Variants in IL2RA observed in about 807,000 individuals in gnomAD.
IL2RA encodes interleukin 2 receptor subunit alpha.
Under a neutral mutation model 37.8 loss-of-function variants are expected in IL2RA, and 24 were observed. The ratio of observed to expected loss-of-function variants is 0.63; its 90% CI spans 0.46 to 0.89. IL2RA has a LOEUF of 0.89. Ranked by LOEUF, IL2RA falls within the 40% of genes least tolerant of loss-of-function variation. The probability of loss-of-function intolerance (pLI) is 0.00; values close to 1 mark genes in which losing one functional copy is unlikely to be tolerated. For synonymous variants in IL2RA, 125 were observed against 114.6 expected, an observed-to-expected ratio of 1.09 and a Z score of -0.58; for missense variants, 319 against 348.6, an observed-to-expected ratio of 0.92 and a Z score of 0.68.
chr10:6,062,221 T>C lies in IL2RA; in HGVS notation c.-70A>G. ...TTCTCTGCAGAAGGCCCAGTTGCCGTCAGCCTCTTTTTGGCATCGCGCCGG... is the reference window on the plus strand; with the variant it reads ...TTCTCTGCAGAAGGCCCAGTTGCCGCCAGCCTCTTTTTGGCATCGCGCCGG... On this transcript the variant is annotated 5_prime_UTR_variant, in exon 1 of 8. It removes the in-frame stop codon of an upstream open reading frame in the 5' UTR. Transcript: ENST00000379959. 1 of 1,376,898 alleles carries C rather than the reference T, an allele frequency of 7.3e-7. No individual in the cohort carries two copies. Among genetic ancestry groups the C allele is most frequent in the Non-Finnish European group, 1.0e-6 (1 of 965,154 alleles). The allele number at this position is 1,376,898 out of a possible 1,614,324, so 85.3% of individuals were successfully genotyped here.
In IL2RA at chr10:6,029,156, A is replaced by G. The variant is rs1839535575; in HGVS notation, c.65-3131T>C. Among the ~76,000 whole-genome samples, 2 of 149,776 alleles carry G rather than the reference A, an allele frequency of 1.3e-5. No homozygotes were observed. The highest frequency in any genetic ancestry group is 4.9e-5 in the African/African-American group (2 of 40,802). On this transcript the variant is annotated intron_variant, in intron 1 of 7. Transcript: ENST00000379959. This position sits in a 1 kb window ranked among gnomAD's most constrained non-coding sequence, Gnocchi z 4.6. ...TATTTATTTATTTATTTATTTATTTATTTATTTATTTATTTATTTATTTTT... is the reference window on the plus strand; with the variant it reads ...TATTTATTTATTTATTTATTTATTTGTTTATTTATTTATTTATTTATTTTT...
At chr10:6,034,487 C>G (rs1839648762) in intron 1 of IL2RA, among the ~76,000 whole-genome samples, 2 of 151,924 alleles carry the variant, frequency 1.3e-5, no homozygotes, top group African/African-American at 4.8e-5. Context: ...AAAGCAGCAA[C>G]AGAACAACAT....
chr10:6,059,946 C>A (rs1258360715), intron 1 of IL2RA, among the ~76,000 whole-genome samples: 1 of 151,860 alleles, frequency 6.6e-6, no homozygotes, highest in Non-Finnish European at 1.5e-5. Flanking sequence ...TTTGTATTTC[C>A]TATAGTGTTG....
chr10:6,013,577 C>T (rs1463616220), intron 7 of IL2RA, among the ~76,000 whole-genome samples: 1 of 152,136 alleles, frequency 6.6e-6, no homozygotes, highest in African/African-American at 2.4e-5. Context: ...GGTTGCCTGT[C>T]TTCCCTGGTG....
At chr10:6,031,470 A>ACATATATATATATG (rs1839579477) in intron 1 of IL2RA, among the ~76,000 whole-genome samples, 1 of 25,402 alleles carries the variant, frequency 3.9e-5, no homozygotes, top group Non-Finnish European at 7.5e-5. Context: ...ATATATATAT[A>ACATATATATATATG]TATATATATA....
Position 6,021,630 on chromosome 10 carries a change from A to C in IL2RA, c.431T>G (p.Val144Gly). 8 of 1,613,992 alleles carry C rather than the reference A, an allele frequency of 5.0e-6. No homozygotes were observed. The highest frequency in any genetic ancestry group is 6.8e-6 in the Non-Finnish European group (8 of 1,179,986). ...GCACTGATAATAAACCATCTGCCCC[A>C]CCACGAAATGATAAATTCTCTCTGT... is the stretch of plus-strand genomic sequence containing the variant. ...EATERIYHFV[V>G]GQMVYYQCVQ... The change falls in exon 4 of 8, where the codon GTG becomes GGG. Residue 144 changes from valine (V) to glycine (G), a missense_variant. Physicochemically the swap from Val to Gly is moderately radical, Grantham distance 109 (BLOSUM62 -3). Transcript: ENST00000379959. This position sits in a 1 kb window ranked among gnomAD's most constrained non-coding sequence, Gnocchi z 4.9.
chr10:6,043,199 GAAT>G (rs1839798971), intron 1 of IL2RA, among the ~76,000 whole-genome samples: 1 of 152,042 alleles, frequency 6.6e-6, no homozygotes. Context: ...TTGTTAAAAA[GAAT>G]AAACATCAAA....
chr10:6,060,770 A>T (rs568913698), intron 1 of IL2RA, among the ~76,000 whole-genome samples: 56 of 152,078 alleles, frequency 3.7e-4, no homozygotes, highest in African/African-American at 1.1e-3. Context: ...AAGTAAAAAA[A>T]AAATAAATAA....
intron 1 of IL2RA, among the ~76,000 whole-genome samples, chr10:6,051,844 G>A (rs535313910): frequency 6.2e-5 from 2 of 32,398 alleles, no homozygotes; most frequent in African/African-American, 1.1e-4. Flanking sequence ...TATATATATA[G>A]AATTTTTTAA....
At chr10:6,024,417 A>C (rs188218084) in intron 2 of IL2RA, 63 bp from the exon 3 acceptor site, 5 of 1,204,442 alleles carry the variant, frequency 4.2e-6, no homozygotes, top group Non-Finnish European at 6.2e-6. Context: ...AACACTGTTC[A>C]TGTATTCATT....
In IL2RA at chr10:6,054,244, G is replaced by A. The variant is rs1221019278; in HGVS notation, c.64+7844C>T. The stretch of plus-strand genomic sequence containing the variant: ...TGGGAGTGGGAGAATGGGCTGTCAG[G>A]ACAAAAGCACTGGGACTCCAGCCCT... On this transcript the variant is annotated intron_variant, in intron 1 of 7. Transcript: ENST00000379959. This position sits in a 1 kb window ranked among gnomAD's most constrained non-coding sequence, Gnocchi z 4.5. Among the ~76,000 whole-genome samples, 1 of 152,226 alleles carries A rather than the reference G, an allele frequency of 6.6e-6. No individual in the cohort carries two copies. The highest frequency in any genetic ancestry group is 1.5e-5 in the Non-Finnish European group (1 of 68,046).
chr10:6,023,193 G>C (rs1839417169), intron 3 of IL2RA, among the ~76,000 whole-genome samples: 1 of 152,122 alleles, frequency 6.6e-6, no homozygotes, highest in African/African-American at 2.4e-5. Flanking sequence ...TCATTGTATA[G>C]CCAGGCTCAA....
intron 1 of IL2RA, among the ~76,000 whole-genome samples, chr10:6,053,668 T>G (rs1235098294): frequency 6.6e-6 from 1 of 152,156 alleles, no homozygotes; most frequent in Non-Finnish European, 1.5e-5. Context: ...TAATTATCAT[T>G]TTAAAAAATA....
rs1330180795 is a variant in IL2RA, at chr10:6,012,666, C to T, written c.*206G>A. On this transcript the variant is annotated 3_prime_UTR_variant, in exon 8 of 8. Coordinates refer to ENST00000379959, the MANE Select transcript of IL2RA (RefSeq NM_000417.3). This position sits in a 1 kb window ranked among gnomAD's most constrained non-coding sequence, Gnocchi z 4.8. ...TTGCTATTTAGAAGTGGGTAGCGCT[C>T]GCTCTCTGATGGGACTGAGCTGGCA... 10 of 630,956 alleles carry T rather than the reference C, an allele frequency of 1.6e-5. No homozygotes were observed. The highest frequency in any genetic ancestry group is 5.5e-5 in the East Asian group (2 of 36,594). 39.1% of individuals were successfully genotyped at this position (630,956 alleles called of 1,614,324 possible). A position where few individuals can be genotyped will look rare whatever the true frequency, so the allele number is the denominator to read the frequency against.
chr10:6,043,254 G>A (rs1478234657), intron 1 of IL2RA, among the ~76,000 whole-genome samples: 1 of 152,082 alleles, frequency 6.6e-6, no homozygotes, highest in Admixed American at 6.5e-5. Context: ...AAGCAAAGTT[G>A]CAAATAGAAA....
chr10:6,044,340 T>C lies in IL2RA; in HGVS notation c.64+17748A>G, dbSNP rs1222109865. On this transcript the variant is annotated intron_variant, in intron 1 of 7. Coordinates refer to ENST00000379959, the MANE Select transcript of IL2RA (RefSeq NM_000417.3). This position sits in a 1 kb window ranked among gnomAD's most constrained non-coding sequence, Gnocchi z 4.5. ...TGTGCTACAGCTCCGTGACTGCTTC[T>C]GTAGAGCAGGGCGACCACATAGGCA... is the stretch of plus-strand genomic sequence containing the variant. Among the ~76,000 whole-genome samples, 2 of 152,278 alleles carry C rather than the reference T, an allele frequency of 1.3e-5. No individual in the cohort carries two copies. Among genetic ancestry groups the C allele is most frequent in the African/African-American group, 4.8e-5 (2 of 41,474 alleles).
Position 6,044,111 on chromosome 10 carries a change from A to G in IL2RA, c.64+17977T>C, listed in dbSNP as rs1839813566. Among the ~76,000 whole-genome samples, 1 of 152,192 alleles carries G rather than the reference A, an allele frequency of 6.6e-6. No individual in the cohort carries two copies. Among genetic ancestry groups the G allele is most frequent in the African/African-American group, 2.4e-5 (1 of 41,442 alleles). ...AAGTCAATCATCCAAATCACCTCTC[A>G]GTCCTCAGCAGCTGAATTCAACACA... On this transcript the variant is annotated intron_variant, in intron 1 of 7. Transcript: ENST00000379959. This position sits in a 1 kb window ranked among gnomAD's most constrained non-coding sequence, Gnocchi z 4.5.
rs980694848 is a variant in IL2RA, at chr10:6,018,768, C to T, written c.728-649G>A. Among the ~76,000 whole-genome samples the T allele has an allele frequency of 2.0e-5, 3 of 152,142 alleles. No homozygotes were observed. The highest frequency in any genetic ancestry group is 4.4e-5 in the Non-Finnish European group (3 of 68,022). ...ACTGGTTCATGCGAATTCTGAGTTA[C>T]GTCAGTATCTGGATTAGTCTTTCAC... On this transcript the variant is annotated intron_variant, in intron 6 of 7. Transcript: ENST00000379959. The surrounding 1 kb of genome is among the most constrained non-coding windows in gnomAD (Gnocchi z 5.1).
In IL2RA at chr10:6,024,256, C is replaced by T. The variant is rs1341125745; in HGVS notation, c.355G>A (p.Ala119Thr). 1.2e-6 allele frequency: 2 copies of T among 1,612,536 alleles called. No individual in the cohort carries two copies. Among genetic ancestry groups the T allele is most frequent in the Admixed American group, 1.7e-5 (1 of 60,022 alleles). ...ATTCATCTCTCACCTGGAAGGCTCG[C>T]TTGGTCCACTGGCTGCATTGGACTT... ...MQSPMQPVDQ[A>T]SLPGHCREPP... Residue 119 changes from alanine (A) to threonine (T), a missense_variant, in exon 3 of 8, where the codon GCG becomes ACG. Ala to Thr is a moderately conservative substitution (Grantham distance 58, BLOSUM62 0). Transcript: ENST00000379959.
Sources: gnomAD v4.1 joint callset for allele counts (sites outside exome capture counted in the v4.1 genomes callset) on GRCh38, gnomAD v4.1.1 for gene constraint, Gnocchi (gnomAD v3.1) non-coding constraint, MANE v1.5 for transcripts, NCBI Gene and HGNC (gene_info 2026-07-23, HGNC 2026-07-21) for gene names.